The following RDH13 variants were observed in gnomAD, a reference collection of about 807,000 sequenced individuals.
RDH13 encodes the protein retinol dehydrogenase 13, also known as retinol dehydrogenase 13 (all-trans and 9-cis).
RDH13 carries 35 observed loss-of-function variants against 28.3 expected under a neutral mutation model. The ratio of observed to expected loss-of-function variants is 1.24; its 90% CI spans 0.95 to 1.64. RDH13 has a LOEUF of 1.64. Among genes scored for constraint, RDH13 ranks in the 40% most tolerant of loss-of-function variants. The probability of loss-of-function intolerance (pLI) is 0.00; values close to 1 mark genes in which losing one functional copy is unlikely to be tolerated. For missense variants in RDH13, 514 were observed against 446.3 expected, an observed-to-expected ratio of 1.15 and a Z score of -1.37; for synonymous variants, 229 against 198.5, an observed-to-expected ratio of 1.15 and a Z score of -1.29.
chr19:55,052,390 C>CA lies in RDH13; in HGVS notation c.341-3628dup, dbSNP rs1359222184. 4.0e-5 allele frequency among the ~76,000 whole-genome samples: 6 copies of CA among 150,120 alleles called. No homozygotes were observed. In the East Asian group the frequency reaches 1.2e-3, roughly 30 times the overall value. The stretch of plus-strand genomic sequence containing the variant: ...AGAAACCCCGTCTCTACTAAAAATA[C>CA]AAAATTAGCCGGGCGTGGTGGCGCA... On this transcript the variant is annotated intron_variant, in intron 3 of 6. Transcript: ENST00000415061.
chr19:55,064,615 GT>G (rs577380527), upstream of RDH13, among the ~76,000 whole-genome samples: 1,108 of 150,670 alleles, frequency 7.4e-3, 12 homozygotes, highest in African/African-American at 0.023. Context: ...TTGTTTGTTT[GT>G]TTTGTTTTGT....
At chr19:55,053,485 C>G (rs565100603) in intron 3 of RDH13, among the ~76,000 whole-genome samples, 1 of 151,986 alleles carries the variant, frequency 6.6e-6, no homozygotes, top group South Asian at 2.1e-4. Context: ...GAAACCCCGT[C>G]TCTAGTAAAA....
intron 6 of RDH13, among the ~76,000 whole-genome samples, chr19:55,045,677 G>A (rs1210861690): frequency 6.6e-6 from 1 of 152,158 alleles, no homozygotes; most frequent in Non-Finnish European, 1.5e-5. Context: ...CAGGCGAGGT[G>A]GCTCAGGCCT....
chr19:55,064,829 T>C (rs1287115985), upstream of RDH13, among the ~76,000 whole-genome samples: 2 of 149,946 alleles, frequency 1.3e-5, no homozygotes, highest in Non-Finnish European at 2.9e-5. Flanking sequence ...GCCAGGTTGG[T>C]CTCAAACTCC....
At chr19:55,062,769 C>T (rs1385313520) in intron 1 of RDH13, among the ~76,000 whole-genome samples, 199 bp downstream of exon 1, 2 of 152,270 alleles carry the variant, frequency 1.3e-5, no homozygotes, top group Non-Finnish European at 2.9e-5. Context: ...AGGGCCCAGG[C>T]TCGCCCTTCC....
chr19:55,052,122 T>A (rs1397946716), intron 3 of RDH13, among the ~76,000 whole-genome samples: 2 of 137,326 alleles, frequency 1.5e-5, no homozygotes, highest in Non-Finnish European at 3.1e-5. Context: ...AGTGGTACAA[T>A]CAAAGCTCAC....
At chr19:55,060,621 C>G (rs1239533914) in intron 1 of RDH13, among the ~76,000 whole-genome samples, 3 of 152,184 alleles carry the variant, frequency 2.0e-5, no homozygotes, top group Non-Finnish European at 4.4e-5. Flanking sequence ...TGTCTTATTT[C>G]TTTTCTCAGT....
intron 6 of RDH13, chr19:55,047,047 G>T: frequency 1.0e-6 from 1 of 968,730 alleles, no homozygotes. Context: ...AACAGGCTCA[G>T]AGGGGTAACA....
At chr19:55,062,908 TC>T (rs2147078330) in intron 1 of RDH13, 59 bp downstream of exon 1, 1 of 1,343,932 alleles carries the variant, frequency 7.4e-7, no homozygotes, top group Non-Finnish European at 9.7e-7. Context: ...TCCGCCGCCT[TC>T]CCGGCCCCTG....
In RDH13 at chr19:55,048,357, G is replaced by A; in HGVS notation, c.630C>T (p.Phe210=). The change falls in exon 5 of 7, where the codon TTC becomes TTT. Residue 210 remains phenylalanine, a synonymous_variant. Transcript: ENST00000415061. ...YCQSKLAIVL[F]TKELSRRLQG... ...GCAGCCGCCGGCTCAGCTCCTTGGT[G>A]AAGAGGACGATGGCGAGCTTGCTCT... is the stretch of plus-strand genomic sequence containing the variant. 6.2e-7 allele frequency: 1 copy of A among 1,614,196 alleles called. No homozygotes were observed. The highest frequency in any genetic ancestry group is 1.3e-5 in the African/African-American group (1 of 75,068).
chr19:55,054,883 T>A (rs1017393694), intron 3 of RDH13, among the ~76,000 whole-genome samples: 1 of 152,104 alleles, frequency 6.6e-6, no homozygotes, highest in Admixed American at 6.6e-5. Context: ...GTAATGCATA[T>A]GTTAATTAGC....
At chr19:55,056,532 CCCTAACT>C (rs2075639383) in intron 3 of RDH13, 114 bp downstream of exon 3, 1 of 1,280,284 alleles carries the variant, frequency 7.8e-7, no homozygotes, top group African/African-American at 1.5e-5. Context: ...TGGACTTGGC[CCCTAACT>C]CATAGTTTGC....
chr19:55,049,789 CAAA>C (rs71181733), intron 3 of RDH13, among the ~76,000 whole-genome samples: 1 of 126,496 alleles, frequency 7.9e-6, no homozygotes. Context: ...AACTCCATCT[CAAA>C]AAAAAAAAAA....
Position 55,045,305 on chromosome 19 carries a change from G to A in RDH13, c.765C>T (p.Pro255=), listed in dbSNP as rs2075182959. 16 of 1,611,234 alleles carry A rather than the reference G, an allele frequency of 9.9e-6. No homozygotes were observed. Among genetic ancestry groups the A allele is most frequent in the Non-Finnish European group, 1.4e-5 (16 of 1,179,224 alleles). ...GGCTCTTGACCAGCAGCCAGAAGAT[G>A]GGCCCTGCAATCAGCCCACAGGGCA... is the stretch of plus-strand genomic sequence containing the variant. ...GSTFSSTTLG[P]IFWLLVKSPE... The change falls in exon 7 of 7, where the codon CCC becomes CCT. Residue 255 remains proline (P), a synonymous_variant. Transcript: ENST00000415061.
At position 55,060,185 on chromosome 19, in the gene RDH13, G is replaced by GGCC. The variant is rs1275300883; in HGVS notation, c.66-913_66-911dup. Among the ~76,000 whole-genome samples the GGCC allele has an allele frequency of 2.9e-5, 4 of 139,764 alleles. No individual in the cohort carries two copies. In the Admixed American group the frequency reaches 3.0e-4, roughly 10 times the overall value. The allele number at this position is 139,764 out of a possible 152,430, so 91.7% of individuals were successfully genotyped here. On this transcript the variant is annotated intron_variant, in intron 1 of 6. Transcript: ENST00000415061. ...GCCTCTTGCAGTTGAGAGAGAGGAA[G>GGCC]GCCACTGTCTCCTGCCTGACCCTGG...
chr19:55,055,795 G>A (rs542162959), intron 3 of RDH13, among the ~76,000 whole-genome samples: 1 of 151,054 alleles, frequency 6.6e-6, no homozygotes, highest in African/African-American at 2.5e-5. Context: ...TGAGACTGCA[G>A]TGAGCCATGA....
At chr19:55,057,397 C>A (rs2075671079) in intron 2 of RDH13, among the ~76,000 whole-genome samples, 1 of 150,174 alleles carries the variant, frequency 6.7e-6, no homozygotes, top group South Asian at 2.1e-4. Context: ...AATTCCAGCA[C>A]TTTGGGAGGC....
chr19:55,041,495 A>C (rs1015921447), downstream of RDH13: 2 of 152,082 alleles, frequency 1.3e-5, no homozygotes, highest in African/African-American at 4.8e-5. Flanking sequence ...TTTAGGAAGA[A>C]TATTATCACT....
rs199951703 is a variant in RDH13, at chr19:55,048,312, G to A, written c.658+17C>T. On this transcript the variant is annotated intron_variant, in intron 5 of 6. Transcript: ENST00000415061. The stretch of plus-strand genomic sequence containing the variant: ...CAGAGTAAAGCAAGAGGGAGGCCGA[G>A]CCTAGCGCCCCCGTACCTTGCAGCC... 397 of 1,613,844 alleles carry A rather than the reference G, an allele frequency of 2.5e-4. 2 individuals carry two copies. The highest frequency in any genetic ancestry group is 1.1e-5 in the South Asian group (1 of 91,082).
Sources: allele counts gnomAD v4.1 joint callset (sites outside exome capture counted in the v4.1 genomes callset), GRCh38; gene constraint gnomAD v4.1.1; transcripts MANE v1.5; gene names NCBI Gene and HGNC (gene_info 2026-07-23, HGNC 2026-07-21).